The following GNB4 variants were observed in gnomAD, a reference collection of about 807,000 sequenced individuals.
GNB4 encodes guanine nucleotide-binding protein subunit beta-4.
GNB4 carries 28 observed loss-of-function variants against 45.2 expected under a neutral mutation model. That is an observed-to-expected ratio of 0.62 (90% CI 0.46 to 0.85). The LOEUF (loss-of-function observed/expected upper bound fraction) is 0.85. Ranked by LOEUF, GNB4 falls within the 40% of genes least tolerant of loss-of-function variation. The pLI is 0.00. For missense variants in GNB4, 321 were observed against 425.4 expected, an observed-to-expected ratio of 0.75 and a Z score of 2.16; for synonymous variants, 132 against 143.7, an observed-to-expected ratio of 0.92 and a Z score of 0.58.
intron 8 of GNB4, among the ~76,000 whole-genome samples, chr3:179,406,741 T>C (rs907062138): frequency 6.6e-6 from 1 of 152,122 alleles, no homozygotes; most frequent in African/African-American, 2.4e-5. Context: ...GTCTCCTCAG[T>C]AGCTGGGATT....
the GNB4 span, chr3:179,464,779 C>A: frequency 7.6e-7 from 1 of 1,308,826 alleles, no homozygotes; most frequent in Non-Finnish European, 1.1e-6. Context: ...GAAGGATCTG[C>A]AATGCTGTTT....
chr3:179,498,663 G>A, the GNB4 span, among the ~76,000 whole-genome samples: 1 of 151,740 alleles, frequency 6.6e-6, no homozygotes, highest in East Asian at 1.9e-4. Flanking sequence ...TGGAACTCCT[G>A]AGCTCATGGT....
intron 1 of GNB4, among the ~76,000 whole-genome samples, chr3:179,441,831 G>A (rs1053038580): frequency 2.0e-5 from 3 of 151,596 alleles, no homozygotes; most frequent in African/African-American, 7.3e-5. Context: ...TTGAGACGGA[G>A]TTTCACTCTT....
chr3:179,464,143 C>G, the GNB4 span, among the ~76,000 whole-genome samples: 2 of 152,122 alleles, frequency 1.3e-5, no homozygotes, highest in African/African-American at 4.8e-5. Context: ...ATGGACCCCT[C>G]CTCTGGGCCA....
At chr3:179,508,192 G>A in the GNB4 span, among the ~76,000 whole-genome samples, 1 of 152,092 alleles carries the variant, frequency 6.6e-6, no homozygotes, top group Non-Finnish European at 1.5e-5. Context: ...TCATTATGTT[G>A]TCCAGGCTGG....
chr3:179,462,033 C>G, the GNB4 span, among the ~76,000 whole-genome samples: 3 of 152,244 alleles, frequency 2.0e-5, no homozygotes, highest in Non-Finnish European at 4.4e-5. Context: ...TTCCTGCTCA[C>G]CTGGCATAGC....
chr3:179,438,216 A>G (rs1715509989), intron 1 of GNB4, among the ~76,000 whole-genome samples: 1 of 152,218 alleles, frequency 6.6e-6, no homozygotes, highest in Non-Finnish European at 1.5e-5. Flanking sequence ...TTAGTTCTCA[A>G]AACAACCTCA....
chr3:179,466,778 C>T, the GNB4 span, among the ~76,000 whole-genome samples: 1 of 152,146 alleles, frequency 6.6e-6, no homozygotes, highest in Non-Finnish European at 1.5e-5. Context: ...ACAAAATATA[C>T]ATGACATGTA....
chr3:179,463,052 G>A, the GNB4 span, among the ~76,000 whole-genome samples: 1 of 152,204 alleles, frequency 6.6e-6, no homozygotes, highest in Non-Finnish European at 1.5e-5. Flanking sequence ...ACCAGTATAT[G>A]TCAGAGGTGT....
chr3:179,465,715 T>C, the GNB4 span, among the ~76,000 whole-genome samples: 2 of 152,068 alleles, frequency 1.3e-5, no homozygotes, highest in Non-Finnish European at 2.9e-5. Context: ...TGACCTAACC[T>C]GAGTTTTTTT....
At chr3:179,462,315 C>A in the GNB4 span, among the ~76,000 whole-genome samples, 2 of 152,138 alleles carry the variant, frequency 1.3e-5, no homozygotes, top group African/African-American at 4.8e-5. Flanking sequence ...AGTACTTGGT[C>A]TAAACTACTC....
chr3:179,488,183 TACCGACC>T, the GNB4 span, among the ~76,000 whole-genome samples: 1 of 152,330 alleles, frequency 6.6e-6, no homozygotes, highest in Non-Finnish European at 1.5e-5. Flanking sequence ...CTGATAAGAC[TACCGACC>T]ATGGACTGGT....
the GNB4 span, among the ~76,000 whole-genome samples, chr3:179,467,860 A>G: frequency 6.6e-6 from 1 of 151,824 alleles, no homozygotes; most frequent in African/African-American, 2.4e-5. Flanking sequence ...CTGCAAAGTT[A>G]TGATGTAAAA....
At chr3:179,512,749 G>A in the GNB4 span, among the ~76,000 whole-genome samples, 1 of 152,170 alleles carries the variant, frequency 6.6e-6, no homozygotes, top group Non-Finnish European at 1.5e-5. Context: ...GAAGTGTAAT[G>A]AGCATAAATA....
At chr3:179,463,294 T>G in the GNB4 span, among the ~76,000 whole-genome samples, 1 of 152,230 alleles carries the variant, frequency 6.6e-6, no homozygotes, top group Non-Finnish European at 1.5e-5. Context: ...ATCCAGCATA[T>G]GTTGGGAAAT....
chr3:179,520,395 C>T, the GNB4 span, among the ~76,000 whole-genome samples: 1 of 152,148 alleles, frequency 6.6e-6, no homozygotes, highest in Non-Finnish European at 1.5e-5. Flanking sequence ...CCTTCCTAGG[C>T]ATGGTTAGTG....
At chr3:179,468,945 C>A in the GNB4 span, among the ~76,000 whole-genome samples, 10 of 152,130 alleles carry the variant, frequency 6.6e-5, no homozygotes, top group Non-Finnish European at 1.5e-4. Flanking sequence ...CTGGGGGCTT[C>A]GTCTGCATAA....
In GNB4 at chr3:179,449,151, G is replaced by A. The variant is rs376624476; in HGVS notation, c.-43+2195C>T. ...GGGTTCTCATATCCCAAAATTGACCGCAATCCTGTTTGTAACCTTCCAAAT... is the reference window on the plus strand; with the variant it reads ...GGGTTCTCATATCCCAAAATTGACCACAATCCTGTTTGTAACCTTCCAAAT... On this transcript the variant is annotated intron_variant, in intron 1 of 9. Coordinates refer to ENST00000232564, the MANE Select transcript of GNB4 (RefSeq NM_021629.4). Among the ~76,000 whole-genome samples, 66 of 152,206 alleles carry A rather than the reference G, an allele frequency of 4.3e-4. No homozygotes were observed. The South Asian group carries it at 0.013, about 30-fold the overall frequency.
chr3:179,430,814 C>A (rs1039115226), intron 1 of GNB4, among the ~76,000 whole-genome samples: 5 of 152,032 alleles, frequency 3.3e-5, no homozygotes, highest in Admixed American at 3.3e-4. Context: ...CCAGTATATT[C>A]AATCTCTTAC....
Sources: allele counts gnomAD v4.1 joint callset (sites outside exome capture counted in the v4.1 genomes callset), GRCh38; gene constraint gnomAD v4.1.1; transcripts MANE v1.5; gene names NCBI Gene and HGNC (gene_info 2026-07-23, HGNC 2026-07-21).